The following NEK10 variants were observed in gnomAD, a reference collection of about 807,000 sequenced individuals.
NEK10 encodes serine/threonine-protein kinase Nek10.
A neutral mutation model predicts 159.8 loss-of-function variants in NEK10; 122 were observed. The ratio of observed to expected loss-of-function variants is 0.76; its 90% CI spans 0.66 to 0.89. NEK10 has a LOEUF of 0.89. Among genes scored for constraint, NEK10 ranks in the 40% least tolerant of loss-of-function variants. The pLI, the probability that NEK10 is intolerant of heterozygous loss-of-function variation, is 0.00. For synonymous variants in NEK10, 466 were observed against 457.1 expected (o/e 1.02, Z -0.25); for missense variants, 1,342 against 1,323.1 (o/e 1.01, Z -0.22).
intron 15 of NEK10, 135 bp downstream of exon 15, chr3:27,295,478 G>A: frequency 9.9e-7 from 1 of 1,014,368 alleles, no homozygotes; most frequent in South Asian, 3.1e-5. Flanking sequence ...AGTCTTCCTT[G>A]CCAGATATTT....
Position 27,291,335 on chromosome 3 carries a change from G to C in NEK10, c.1532C>G (p.Ala511Gly), listed in dbSNP as rs760422798. 1.2e-6 allele frequency: 2 copies of C among 1,612,690 alleles called. No homozygotes were observed. The highest frequency in any genetic ancestry group is 2.2e-5 in the South Asian group (2 of 90,974). Residue 511 changes from alanine (A) to glycine (G), a missense_variant, in exon 18 of 36, where the codon GCT becomes GGT. Transcript: ENST00000691995. ...ATAGTTGCCTATATATTTCAAAGGA[G>C]CTTTGTTCTGATTAATGCTTTCAAT... ...ENIESINQNK[A>G]PLKYIGNYAI...
intron 1 of NEK10, among the ~76,000 whole-genome samples, chr3:27,367,066 T>A (rs1252586125): frequency 6.6e-6 from 1 of 152,178 alleles, no homozygotes; most frequent in Non-Finnish European, 1.5e-5. Flanking sequence ...CACCTCATCG[T>A]CCCAAAGTGC....
intron 25 of NEK10, among the ~76,000 whole-genome samples, chr3:27,195,306 T>C (rs778296539): frequency 6.6e-5 from 10 of 152,222 alleles, no homozygotes; most frequent in Non-Finnish European, 1.5e-4. Context: ...GTCCCTTGCA[T>C]TGTTGCTTTA....
At chr3:27,270,155 A>G (rs2041219809) in intron 22 of NEK10, among the ~76,000 whole-genome samples, 1 of 152,212 alleles carries the variant, frequency 6.6e-6, no homozygotes, top group African/African-American at 2.4e-5. Flanking sequence ...AAGAAACTAC[A>G]GCTTCCAATT....
chr3:27,177,967 G>A (rs1947688798), intron 26 of NEK10, among the ~76,000 whole-genome samples: 1 of 152,182 alleles, frequency 6.6e-6, no homozygotes, highest in Non-Finnish European at 1.5e-5. Flanking sequence ...AGGAGTAGGA[G>A]AGGGAGTTAA....
At position 27,106,893 on chromosome 3, in the gene NEK10, T is replaced by C. The variant is rs1049293760; in HGVS notation, c.*4379A>G. On this transcript the variant is annotated 3_prime_UTR_variant, in exon 36 of 36. Transcript: ENST00000691995. Reference sequence around the variant, plus strand: ...GAAAGAAAGGTAAGCTATTTCCAAATGACAGCATTTAAACAGTCACGTACT... The same window carrying C: ...GAAAGAAAGGTAAGCTATTTCCAAACGACAGCATTTAAACAGTCACGTACT... Among the ~76,000 whole-genome samples the C allele has an allele frequency of 6.6e-6, 1 of 152,212 alleles. No homozygotes were observed. The highest frequency in any genetic ancestry group is 2.4e-5 in the African/African-American group (1 of 41,454).
chr3:27,222,276 G>C (rs943685814), intron 23 of NEK10, among the ~76,000 whole-genome samples: 1 of 152,202 alleles, frequency 6.6e-6, no homozygotes, highest in Non-Finnish European at 1.5e-5. Context: ...TGGAGGCTGA[G>C]ACGGGAGAAT....
intron 23 of NEK10, among the ~76,000 whole-genome samples, chr3:27,239,582 T>C (rs1954323208): frequency 6.6e-6 from 1 of 152,236 alleles, no homozygotes; most frequent in Non-Finnish European, 1.5e-5. Context: ...AATCACATTT[T>C]ATAAGAGACT....
chr3:27,295,170 T>C (rs1346544589), intron 15 of NEK10, among the ~76,000 whole-genome samples: 6 of 152,158 alleles, frequency 3.9e-5, no homozygotes, highest in Admixed American at 3.9e-4. Flanking sequence ...CTTTCACACT[T>C]GGTGCATGCT....
At chr3:27,302,268 A>T (rs1473741112) in intron 12 of NEK10, among the ~76,000 whole-genome samples, 1 of 152,122 alleles carries the variant, frequency 6.6e-6, no homozygotes, top group Non-Finnish European at 1.5e-5. Flanking sequence ...TCAATTGTCC[A>T]CATGTTGAAA....
At chr3:27,120,497 A>ATT (rs56343169) in intron 32 of NEK10, among the ~76,000 whole-genome samples, 41 of 143,372 alleles carry the variant, frequency 2.9e-4, no homozygotes, top group East Asian at 6.0e-4. Flanking sequence ...TAATTTTTGT[A>ATT]TTTTTTTTTT....
chr3:27,258,211 G>A (rs540915172), intron 22 of NEK10, among the ~76,000 whole-genome samples: 99 of 152,176 alleles, frequency 6.5e-4, no homozygotes, highest in Admixed American at 5.4e-3. Context: ...CAAATGTCAT[G>A]TATGTATTAT....
rs757377268 is a variant in NEK10, at chr3:27,291,584, A to T, written c.1376T>A (p.Leu459His). Residue 459 changes from leucine to histidine, a missense_variant and splice_region_variant, in exon 17 of 36, where the codon CTT (leucine) becomes CAT (histidine). Transcript: ENST00000691995. ...MERNRPLFKR[L>H]FPTDLFEIFI... Reference sequence around the variant, plus strand: ...GATCTCAAACAAGTCTGTGGGGAAAAGTCTACAGAGAATATTACACACACT... The same window carrying T: ...GATCTCAAACAAGTCTGTGGGGAAATGTCTACAGAGAATATTACACACACT... 6.5e-7 allele frequency: 1 copy of T among 1,537,594 alleles called. No individual in the cohort carries two copies. Among genetic ancestry groups the T allele is most frequent in the Non-Finnish European group, 9.0e-7 (1 of 1,110,386 alleles).
chr3:27,171,414 C>A (rs541939515), intron 29 of NEK10, among the ~76,000 whole-genome samples: 12 of 152,222 alleles, frequency 7.9e-5, no homozygotes, highest in African/African-American at 2.9e-4. Context: ...CTTCTTCTTG[C>A]TGGCTTGGAG....
chr3:27,257,827 C>CA lies in NEK10; in HGVS notation c.2015-1457dup, dbSNP rs1182635965. On this transcript the variant is annotated intron_variant, in intron 22 of 35. Coordinates refer to ENST00000691995, the MANE Select transcript of NEK10 (RefSeq NM_001394966.1). ...TTTTTGAGACGGAGTCTCACTCTGT[C>CA]ACCTAGTCTGGAGTGCAGTGGCGCA... is the stretch of plus-strand genomic sequence containing the variant. Among the ~76,000 whole-genome samples, 4 of 138,706 alleles carry CA rather than the reference C, an allele frequency of 2.9e-5. No individual in the cohort carries two copies. In the East Asian group the frequency reaches 8.5e-4, roughly 29 times the overall value. 91.0% of individuals were successfully genotyped at this position (138,706 alleles called of 152,430 possible).
intron 35 of NEK10, among the ~76,000 whole-genome samples, chr3:27,112,598 G>A (rs1052088231): frequency 6.6e-6 from 1 of 152,112 alleles, no homozygotes; most frequent in Non-Finnish European, 1.5e-5. Context: ...TTCCTCAATT[G>A]TATTCCATGT....
chr3:27,246,701 C>T (rs913419440), intron 23 of NEK10, among the ~76,000 whole-genome samples: 2 of 152,100 alleles, frequency 1.3e-5, no homozygotes, highest in African/African-American at 2.4e-5. Context: ...CCCCTGCCCA[C>T]TACCCTTCCT....
intron 23 of NEK10, among the ~76,000 whole-genome samples, chr3:27,222,617 C>A (rs1475174909): frequency 6.6e-6 from 1 of 152,004 alleles, no homozygotes; most frequent in Non-Finnish European, 1.5e-5. Flanking sequence ...ACATGAATTT[C>A]TTTTATAATG....
intron 30 of NEK10, among the ~76,000 whole-genome samples, chr3:27,147,032 G>A (rs544488622): frequency 2.6e-5 from 4 of 152,340 alleles, no homozygotes; most frequent in South Asian, 2.1e-4. Flanking sequence ...GTGATCTCAC[G>A]GGAAGAGGAT....
Sources: gnomAD v4.1 joint callset for allele counts (sites outside exome capture counted in the v4.1 genomes callset) on GRCh38, gnomAD v4.1.1 for gene constraint, MANE v1.5 for transcripts, NCBI Gene and HGNC (gene_info 2026-07-23, HGNC 2026-07-21) for gene names.